Variants in CLTC observed in about 807,000 individuals in gnomAD.
The protein encoded by CLTC is clathrin heavy chain.
Under a neutral mutation model 195.8 loss-of-function variants are expected in CLTC, and 16 were observed. The ratio of observed to expected loss-of-function variants is 0.08; its 90% CI spans 0.06 to 0.12. The LOEUF (loss-of-function observed/expected upper bound fraction) is 0.12, where lower values mean the gene tolerates loss of function less well. CLTC is among the 10% of genes least tolerant of loss of function. The pLI, the probability that CLTC is intolerant of heterozygous loss-of-function variation, is 1.00. For missense variants in CLTC, 796 were observed against 2,027.0 expected (o/e 0.39, Z 11.66); for synonymous variants, 667 against 689.4 (o/e 0.97, Z 0.51).
Position 59,648,407 on chromosome 17 carries a change from T to G in CLTC, c.681+6T>G. On this transcript the variant is annotated splice_donor_region_variant and intron_variant, in intron 4 of 31. Coordinates refer to ENST00000269122, the MANE Select transcript of CLTC (RefSeq NM_004859.4). The surrounding 1 kb of genome is among the most constrained non-coding windows in gnomAD (Gnocchi z 4.5). ...GGGGCCAAGCTGGAGGGAAGGTAAG[T>G]TTTGGCTTTGGTAATTATTTTAATG... 1 of 1,608,170 alleles carries G rather than the reference T, an allele frequency of 6.2e-7. No homozygotes were observed. The highest frequency in any genetic ancestry group is 8.5e-7 in the Non-Finnish European group (1 of 1,176,324).
Position 59,685,540 on chromosome 17 carries a change from A to T in CLTC, c.4606-47A>T, listed in dbSNP as rs777895254. 4.9e-5 allele frequency: 72 copies of T among 1,462,276 alleles called. No homozygotes were observed. Among genetic ancestry groups the T allele is most frequent in the Non-Finnish European group, 6.4e-5 (67 of 1,052,818 alleles). The allele number at this position is 1,462,276 out of a possible 1,614,324, so 90.6% of individuals were successfully genotyped here. A position where few individuals can be genotyped will look rare whatever the true frequency, so the allele number is the denominator to read the frequency against. On this transcript the variant is annotated intron_variant, in intron 29 of 31. Transcript: ENST00000269122. This position sits in a 1 kb window ranked among gnomAD's most constrained non-coding sequence, Gnocchi z 5.0. ...ATTGTTTTTCTTGGTTTACTAGTTC[A>T]GTATGTGGGGTCTAATGTTTTTGAC...
At chr17:59,632,932 G>GT (rs1382092970) in intron 1 of CLTC, among the ~76,000 whole-genome samples, 5 of 152,142 alleles carry the variant, frequency 3.3e-5, no homozygotes, top group African/African-American at 1.2e-4. Flanking sequence ...AAAGGGGACA[G>GT]TTTCACACAA....
chr17:59,661,231 A>G (rs183138362), intron 7 of CLTC, among the ~76,000 whole-genome samples: 44 of 151,926 alleles, frequency 2.9e-4, no homozygotes, highest in African/African-American at 9.7e-4. Flanking sequence ...AACCAGGGGT[A>G]TGAAAGACAG....
intron 1 of CLTC, among the ~76,000 whole-genome samples, chr17:59,628,906 C>T (rs571306166): frequency 1.3e-4 from 20 of 152,142 alleles, no homozygotes; most frequent in Admixed American, 2.6e-4. Flanking sequence ...AAATAATCTA[C>T]CCTCCTCAGC....
Position 59,670,587 on chromosome 17 carries a change from T to C in CLTC, c.2292+1647T>C, listed in dbSNP as rs531038919. Among the ~76,000 whole-genome samples the C allele has an allele frequency of 5.3e-5, 8 of 152,252 alleles. No individual in the cohort carries two copies. In the South Asian group the frequency reaches 1.7e-3, roughly 32 times the overall value. Reference sequence around the variant, plus strand: ...TTAATACTACCAGATTCTTAAATGATTTCTTTTTGTTTTTATTGAGCCCTC... The same window carrying C: ...TTAATACTACCAGATTCTTAAATGACTTCTTTTTGTTTTTATTGAGCCCTC... On this transcript the variant is annotated intron_variant, in intron 14 of 31. Transcript: ENST00000269122.
At chr17:59,624,429 A>G (rs2031479217) in intron 1 of CLTC, among the ~76,000 whole-genome samples, 3 of 151,240 alleles carry the variant, frequency 2.0e-5, no homozygotes, top group Admixed American at 6.6e-5. Flanking sequence ...ATGCTGTCCA[A>G]TAGAAAAATA....
chr17:59,651,706 T>C (rs889783245), intron 5 of CLTC, among the ~76,000 whole-genome samples: 9 of 152,254 alleles, frequency 5.9e-5, no homozygotes, highest in African/African-American at 2.2e-4. Context: ...TAATGATTAT[T>C]TGAGCCTTTA....
chr17:59,671,339 G>T (rs1407574617), intron 14 of CLTC, among the ~76,000 whole-genome samples: 4 of 152,052 alleles, frequency 2.6e-5, no homozygotes, highest in Non-Finnish European at 4.4e-5. Context: ...TCCAGTACAG[G>T]GTTATGATGC....
chr17:59,690,668 A>G lies in CLTC; in HGVS notation c.4860A>G (p.Arg1620=). 2 of 1,613,434 alleles carry G rather than the reference A, an allele frequency of 1.2e-6. No homozygotes were observed. The change falls in exon 31 of 32, where the codon AGA becomes AGG. Residue 1620 remains arginine (R), a synonymous_variant. Transcript: ENST00000269122. ...AATTAGATGCTTCAGAATCACTGAGAAAAGAAGAAGAACAAGCTACAGAGA... is the reference window on the plus strand; with the variant it reads ...AATTAGATGCTTCAGAATCACTGAGGAAAGAAGAAGAACAAGCTACAGAGA... ...VDKLDASESL[R]KEEEQATETQ...
chr17:59,692,986 G>T (rs1359507022), intron 31 of CLTC, among the ~76,000 whole-genome samples: 1 of 152,052 alleles, frequency 6.6e-6, no homozygotes, highest in African/African-American at 2.4e-5. Context: ...ATTAGTACTG[G>T]ATCTTCTATA....
rs748775654 is a variant in CLTC, at chr17:59,666,278, T to G, written c.1782+38T>G. The stretch of plus-strand genomic sequence containing the variant: ...ATGCTTTTTAGGCATGTTTCCAACA[T>G]TGTTTTAGTAATTGTGCAGCGCCTC... On this transcript the variant is annotated intron_variant, in intron 11 of 31. Transcript: ENST00000269122. The surrounding 1 kb of genome is among the most constrained non-coding windows in gnomAD (Gnocchi z 4.9). 14 of 1,605,078 alleles carry G rather than the reference T, an allele frequency of 8.7e-6. No individual in the cohort carries two copies. The South Asian group carries it at 1.4e-4, about 16-fold the overall frequency.
intron 28 of CLTC, chr17:59,684,460 T>A (rs2033137686): frequency 6.1e-6 from 1 of 164,504 alleles, no homozygotes; most frequent in South Asian, 1.6e-4. Context: ...CGCATGCAGA[T>A]CTGTACTGCT....
chr17:59,686,272 T>TA (rs1264654229), intron 30 of CLTC, among the ~76,000 whole-genome samples: 6 of 151,770 alleles, frequency 4.0e-5, no homozygotes, highest in Admixed American at 3.9e-4. Flanking sequence ...ACCCCTGATT[T>TA]AAAAATACCA....
At chr17:59,672,959 G>A (rs1227200715) in intron 14 of CLTC, among the ~76,000 whole-genome samples, 1 of 152,134 alleles carries the variant, frequency 6.6e-6, no homozygotes, top group Admixed American at 6.5e-5. Flanking sequence ...ACATGTATCA[G>A]GTAAATGCCC....
chr17:59,648,276 G>T lies in CLTC; in HGVS notation c.556G>T (p.Val186Leu). ...RVVGAMQLYS[V>L]DRKVSQPIEG... is the part of the protein sequence containing the mutation. ...GGTGGGAGCTATGCAGCTATATTCTGTAGATAGGAAAGTGTCTCAGCCCAT... is the reference window on the plus strand; with the variant it reads ...GGTGGGAGCTATGCAGCTATATTCTTTAGATAGGAAAGTGTCTCAGCCCAT... Residue 186 changes from valine to leucine, a missense_variant, in exon 4 of 32, where the codon GTA becomes TTA. Around this residue, in one of 9 missense-constraint regions of CLTC, gnomAD observed 293 missense variants for 795.6 expected, o/e 0.37. Transcript: ENST00000269122. The surrounding 1 kb of genome is among the most constrained non-coding windows in gnomAD (Gnocchi z 4.5). 3 of 1,614,098 alleles carry T rather than the reference G, an allele frequency of 1.9e-6. No individual in the cohort carries two copies. Among genetic ancestry groups the T allele is most frequent in the Non-Finnish European group, 2.5e-6 (3 of 1,179,986 alleles).
chr17:59,661,648 G>A lies in CLTC; in HGVS notation c.1368+5G>A, dbSNP rs775354587. On this transcript the variant is annotated splice_donor_5th_base_variant and intron_variant, in intron 8 of 31. Coordinates refer to ENST00000269122, the MANE Select transcript of CLTC (RefSeq NM_004859.4). ...AAATGGTTAAAAGAAGATAAGGTAC[G>A]TTAAATTATGTTGACATAATCTTGC... 6.9e-5 allele frequency: 111 copies of A among 1,612,446 alleles called. No homozygotes were observed. Among genetic ancestry groups the A allele is most frequent in the African/African-American group, 2.0e-4 (15 of 74,862 alleles).
intron 5 of CLTC, among the ~76,000 whole-genome samples, chr17:59,654,635 A>G (rs1269215317): frequency 6.6e-6 from 1 of 152,082 alleles, no homozygotes. Context: ...GCACACTGCC[A>G]TGCCTGGCTA....
Position 59,681,861 on chromosome 17 carries a change from A to T in CLTC, c.3442+22A>T. 6.4e-7 allele frequency: 1 copy of T among 1,573,596 alleles called. No homozygotes were observed. Among genetic ancestry groups the T allele is most frequent in the African/African-American group, 1.4e-5 (1 of 73,520 alleles). ...AGTGGTATGACTTCTTACCTTATGT[A>T]TTGAAACCTCATAAAATGATTAAGC... is the stretch of plus-strand genomic sequence containing the variant. On this transcript the variant is annotated intron_variant, in intron 21 of 31. Transcript: ENST00000269122. The surrounding 1 kb of genome is among the most constrained non-coding windows in gnomAD (Gnocchi z 5.0).
rs930852242 is a variant in CLTC, at chr17:59,658,307, G to C, written c.970-2084G>C. Among the ~76,000 whole-genome samples the C allele has an allele frequency of 2.0e-5, 3 of 152,194 alleles. No individual in the cohort carries two copies. The East Asian group carries it at 5.8e-4, about 29-fold the overall frequency. The stretch of plus-strand genomic sequence containing the variant: ...CCTGCCTTGGCCTCCCAAAGTGCTA[G>C]GATTACAGGCATGAGCCACCACGCC... On this transcript the variant is annotated intron_variant, in intron 6 of 31. Transcript: ENST00000269122.
Sources: allele counts gnomAD v4.1 joint callset (sites outside exome capture counted in the v4.1 genomes callset), GRCh38; gene constraint gnomAD v4.1.1; regional missense constraint gnomAD v4.1.1; non-coding constraint Gnocchi (gnomAD v3.1); transcripts MANE v1.5; gene names NCBI Gene and HGNC (gene_info 2026-07-23, HGNC 2026-07-21).